ZNF577: variants seen among roughly 807,000 people sequenced by gnomAD.
The protein encoded by ZNF577 is zinc finger protein 577.
In ZNF577, 14 loss-of-function variants were observed where a neutral mutation model predicts 13.9. That is an observed-to-expected ratio of 1.00 (90% confidence interval 0.66 to 1.57). ZNF577 has a LOEUF of 1.57. Among genes scored for constraint, ZNF577 ranks in the 40% most tolerant of loss-of-function variants. ZNF577 has a pLI of 0.00. For missense variants in ZNF577, 555 were observed against 579.2 expected (o/e 0.96, Z 0.43); for synonymous variants, 203 against 202.9 (o/e 1.00, Z 0.00).
chr19:51,878,379 C>G lies in ZNF577; in HGVS notation c.187+10G>C. ...AAAGAAAAGGTAAGTGACGGCAATGCTGTCCTTACCTATTGATACTAGGTT... is the reference window on the plus strand; with the variant it reads ...AAAGAAAAGGTAAGTGACGGCAATGGTGTCCTTACCTATTGATACTAGGTT... On this transcript the variant is annotated intron_variant, in intron 4 of 5. Coordinates refer to ENST00000638348, the MANE Select transcript of ZNF577 (RefSeq NM_001370449.1). 6.2e-7 allele frequency: 1 copy of G among 1,612,858 alleles called. No individual in the cohort carries two copies. The highest frequency in any genetic ancestry group is 8.5e-7 in the Non-Finnish European group (1 of 1,179,136).
chr19:51,837,694 T>C (rs1157694676), intron 9 of ZNF577, among the ~76,000 whole-genome samples: 1 of 151,922 alleles, frequency 6.6e-6, no homozygotes, highest in Non-Finnish European at 1.5e-5. Context: ...TGAGTGGCTG[T>C]CAGGGAACAG....
At chr19:51,817,656 C>T (rs2084149591) in intron 9 of ZNF577, 1 of 152,094 alleles carries the variant, frequency 6.6e-6, no homozygotes, top group Non-Finnish European at 1.5e-5. Context: ...CTGTTCTACT[C>T]ATCAATACAG....
intron 9 of ZNF577, among the ~76,000 whole-genome samples, chr19:51,822,489 A>G (rs951949739): frequency 1.3e-5 from 2 of 152,172 alleles, no homozygotes; most frequent in Admixed American, 6.5e-5. Context: ...TGCATAGAGA[A>G]AGGGCTTAGA....
intron 1 of ZNF577, among the ~76,000 whole-genome samples, chr19:51,885,787 C>T (rs371496415): frequency 2.6e-5 from 4 of 152,156 alleles, no homozygotes; most frequent in Non-Finnish European, 5.9e-5. Context: ...GGATTACAGG[C>T]GTGAGCTCTC....
chr19:51,849,517 A>C (rs933533761), intron 5 of ZNF577, among the ~76,000 whole-genome samples: 3 of 152,184 alleles, frequency 2.0e-5, no homozygotes, highest in Non-Finnish European at 2.9e-5. Context: ...CACAGCAAGA[A>C]ATCTTCACCA....
intron 4 of ZNF577, chr19:51,878,118 GAGT>G (rs2084795749): frequency 4.6e-6 from 1 of 215,990 alleles, no homozygotes; most frequent in African/African-American, 2.3e-5. Context: ...GTGGGGGAAT[GAGT>G]AGTTGTTGTT....
intron 5 of ZNF577, among the ~76,000 whole-genome samples, chr19:51,846,533 C>T (rs1296041180): frequency 2.6e-5 from 4 of 152,104 alleles, no homozygotes; most frequent in African/African-American, 7.2e-5. Context: ...TATAGCAAAA[C>T]CGTGTCTCTA....
downstream of ZNF577, among the ~76,000 whole-genome samples, chr19:51,864,220 T>C (rs2084534449): frequency 6.6e-6 from 1 of 152,244 alleles, no homozygotes; most frequent in Non-Finnish European, 1.5e-5. Context: ...AATTTAGATC[T>C]TTCCATCCTC....
chr19:51,820,853 T>G (rs920730627), intron 9 of ZNF577, among the ~76,000 whole-genome samples: 1 of 152,224 alleles, frequency 6.6e-6, no homozygotes, highest in Admixed American at 6.5e-5. Flanking sequence ...GGTTAGTCAA[T>G]ATTCACCGTG....
In ZNF577 at chr19:51,869,726, A is replaced by C. The variant is rs780322170; in HGVS notation, c.*2806T>G. Among the ~76,000 whole-genome samples the C allele has an allele frequency of 3.9e-5, 6 of 152,204 alleles. No homozygotes were observed. The highest frequency in any genetic ancestry group is 7.3e-5 in the Non-Finnish European group (5 of 68,028). On this transcript the variant is annotated 3_prime_UTR_variant, in exon 6 of 6. Transcript: ENST00000638348. ...TGTGGAGAAAAATGGCCAAAGGCAG[A>C]TGTGTGCCAGAAACCCCTACAGGGG...
chr19:51,828,823 G>A (rs900476144), intron 9 of ZNF577, among the ~76,000 whole-genome samples: 2 of 152,132 alleles, frequency 1.3e-5, no homozygotes, highest in Non-Finnish European at 2.9e-5. Context: ...GTCAGGTGTT[G>A]CCTTGGGGAC....
intron 5 of ZNF577, among the ~76,000 whole-genome samples, chr19:51,859,335 G>A (rs1050384438): frequency 3.9e-5 from 6 of 152,070 alleles, no homozygotes; most frequent in African/African-American, 1.4e-4. Context: ...TTGAGTACCT[G>A]TTTTCAATTC....
At chr19:51,821,256 C>CCAA (rs1212131432) in intron 9 of ZNF577, among the ~76,000 whole-genome samples, 1 of 152,158 alleles carries the variant, frequency 6.6e-6, no homozygotes, top group Non-Finnish European at 1.5e-5. Context: ...TGGCAAGGTG[C>CCAA]CAACGATAAG....
At chr19:51,841,515 G>A (rs547017298) in intron 8 of ZNF577, among the ~76,000 whole-genome samples, 15 of 152,044 alleles carry the variant, frequency 9.9e-5, no homozygotes, top group East Asian at 3.9e-4. Context: ...TATTTTTTCC[G>A]TTTTTCTAGT....
rs1304297806 is a variant in ZNF577 at position 51,867,904 on chromosome 19, C to G, written c.*4628G>C. Among the ~76,000 whole-genome samples, 4 of 152,164 alleles carry G rather than the reference C, an allele frequency of 2.6e-5. No homozygotes were observed. In the East Asian group the frequency reaches 7.7e-4, roughly 29 times the overall value. The stretch of plus-strand genomic sequence containing the variant: ...GGAATTTCTAGTCCTCTACCCCCAC[C>G]CCTAAATACAGATACAGAAAAAGGC... On this transcript the variant is annotated 3_prime_UTR_variant, in exon 6 of 6. Transcript: ENST00000638348.
downstream of ZNF577, chr19:51,862,274 T>TGGAGGATAAAACCTC (rs2084511542): frequency 1.3e-5 from 2 of 153,010 alleles, no homozygotes; most frequent in Admixed American, 1.3e-4. Flanking sequence ...AAGTTTTTTT[T>TGGAGGATAAAACCTC]GGAGGATAAA....
chr19:51,873,125 G>C lies in ZNF577; in HGVS notation c.865C>G (p.Gln289Glu). Residue 289 changes from glutamine to glutamate, a missense_variant, in exon 6 of 6, where the codon CAG (glutamine) becomes GAG (glutamate). Coordinates refer to ENST00000638348, the MANE Select transcript of ZNF577 (RefSeq NM_001370449.1). The part of the protein sequence containing the change: ...FSQKAYLTAH[Q>E]RLHTGDKPYK... ...GGCTTATCTCCTGTGTGAAGTCTCT[G>C]GTGTGCAGTGAGGTATGCCTTCTGA... The C allele has an allele frequency of 6.2e-7, 1 of 1,614,144 alleles. No individual in the cohort carries two copies. The highest frequency in any genetic ancestry group is 8.5e-7 in the Non-Finnish European group (1 of 1,180,032).
chr19:51,818,800 A>C (rs1014081891), intron 9 of ZNF577, among the ~76,000 whole-genome samples: 10 of 152,318 alleles, frequency 6.6e-5, no homozygotes, highest in Admixed American at 1.3e-4. Context: ...TACACAAGAC[A>C]AATCTCAGGG....
chr19:51,872,618 G>A lies in ZNF577; in HGVS notation c.1372C>T (p.Gln458Ter). The A allele has an allele frequency of 6.2e-7, 1 of 1,614,024 alleles. No homozygotes were observed. Among genetic ancestry groups the A allele is most frequent in the Non-Finnish European group, 8.5e-7 (1 of 1,179,980 alleles). ...QAFVVNQEFEQRISLTNEVNV... is the reference protein window; with the variant it reads ...QAFVVNQEFE ...ACTTCATTTGTGAGGCTTATTCTCT[G>A]TTCAAATTCCTGATTAACTACAAAG... is the stretch of plus-strand genomic sequence containing the variant. Residue 458 changes from glutamine (Q) to a stop codon, truncating the protein, a stop_gained, in exon 6 of 6, where the codon CAG becomes TAG. Coordinates refer to ENST00000638348, the MANE Select transcript of ZNF577 (RefSeq NM_001370449.1). LOFTEE classifies it low-confidence loss of function (END_TRUNC).
Sources: allele counts gnomAD v4.1 joint callset (sites outside exome capture counted in the v4.1 genomes callset), GRCh38; gene constraint gnomAD v4.1.1; transcripts MANE v1.5; gene names NCBI Gene and HGNC (gene_info 2026-07-23, HGNC 2026-07-21).